PRKCZ: variants seen among roughly 807,000 people sequenced by gnomAD.
The protein encoded by PRKCZ is protein kinase C zeta type.
PRKCZ carries 33 observed loss-of-function variants against 79.5 expected under a neutral mutation model. The observed-to-expected ratio is 0.41, with a 90% CI of 0.31 to 0.55. The LOEUF (loss-of-function observed/expected upper bound fraction) is 0.55. PRKCZ is among the 20% of genes least tolerant of loss of function. The pLI, the probability that PRKCZ is intolerant of heterozygous loss-of-function variation, is 0.19. For missense variants in PRKCZ, 578 were observed against 813.5 expected (o/e 0.71, Z 3.52); for synonymous variants, 342 against 320.9 (o/e 1.07, Z -0.70).
intron 5 of PRKCZ, among the ~76,000 whole-genome samples, chr1:2,135,929 A>G (rs1025591408): frequency 6.6e-6 from 1 of 152,020 alleles, no homozygotes; most frequent in Admixed American, 6.5e-5. Flanking sequence ...TTCACAGTGG[A>G]AGGGGAGGTG....
intron 4 of PRKCZ, chr1:2,098,507 T>A (rs1666915196): frequency 6.6e-6 from 1 of 152,144 alleles, no homozygotes; most frequent in Non-Finnish European, 1.5e-5. Flanking sequence ...CTGAGTTACT[T>A]CTGGAATCTG....
chr1:2,126,493 C>T (rs1297075648), intron 4 of PRKCZ, among the ~76,000 whole-genome samples: 2 of 152,020 alleles, frequency 1.3e-5, no homozygotes, highest in South Asian at 2.1e-4. Flanking sequence ...CCTGCCCCGC[C>T]GACCCTGCCA....
intron 4 of PRKCZ, among the ~76,000 whole-genome samples, chr1:2,084,351 G>A (rs930855052): frequency 3.9e-5 from 6 of 152,314 alleles, no homozygotes; most frequent in Middle Eastern, 3.4e-3. Flanking sequence ...TCATGAGGGC[G>A]AGTGTGAAGA....
intron 9 of PRKCZ, among the ~76,000 whole-genome samples, chr1:2,153,568 G>T (rs1236162789): frequency 1.3e-5 from 2 of 152,238 alleles, no homozygotes; most frequent in Non-Finnish European, 2.9e-5. Flanking sequence ...CAGCGTCCAT[G>T]CCCTGCGCCG....
chr1:2,129,293 C>T (rs10797427), intron 4 of PRKCZ, among the ~76,000 whole-genome samples: 78,624 of 151,968 alleles, frequency 0.52, 21,508 homozygotes, highest in Middle Eastern at 0.63. Flanking sequence ...GCTAAGGAGG[C>T]CCTAAGTGCA....
intron 2 of PRKCZ, among the ~76,000 whole-genome samples, 189 bp from the exon 3 acceptor site, chr1:2,056,295 C>G (rs574763252): frequency 1.3e-5 from 2 of 152,206 alleles, no homozygotes; most frequent in African/African-American, 4.8e-5. Flanking sequence ...GACGCTGCAC[C>G]GGGGGCCAGG....
intron 4 of PRKCZ, among the ~76,000 whole-genome samples, chr1:2,060,858 G>A (rs570827201): frequency 6.6e-6 from 1 of 152,192 alleles, no homozygotes; most frequent in Non-Finnish European, 1.5e-5. Context: ...GACGGTGGGC[G>A]TCAGGGCCCT....
At chr1:2,144,458 C>T (rs947522844) in intron 6 of PRKCZ, 117 bp downstream of exon 6, 25 of 1,478,418 alleles carry the variant, frequency 1.7e-5, no homozygotes, top group East Asian at 5.0e-5. Context: ...GCCGTGGTGC[C>T]GTCCTAGCTC....
chr1:2,170,482 A>C (rs1167515140), intron 11 of PRKCZ, among the ~76,000 whole-genome samples: 5 of 59,188 alleles, frequency 8.4e-5, no homozygotes, highest in Admixed American at 4.2e-4. Flanking sequence ...CGCTGTTTTT[A>C]AAAACTGTGG....
At chr1:2,095,006 A>G (rs1465526358) in intron 4 of PRKCZ, among the ~76,000 whole-genome samples, 1 of 152,130 alleles carries the variant, frequency 6.6e-6, no homozygotes, top group African/African-American at 2.4e-5. Flanking sequence ...TGGGTGATGC[A>G]GACACTGACT....
At chr1:2,066,227 AGT>A (rs1204926890) in intron 4 of PRKCZ, among the ~76,000 whole-genome samples, 1 of 152,166 alleles carries the variant, frequency 6.6e-6, no homozygotes, top group Non-Finnish European at 1.5e-5. Context: ...TGAGTGAGGA[AGT>A]GTTCCTTCCT....
chr1:2,110,321 G>T (rs1669469921), intron 4 of PRKCZ, among the ~76,000 whole-genome samples: 1 of 152,254 alleles, frequency 6.6e-6, no homozygotes, highest in Non-Finnish European at 1.5e-5. Flanking sequence ...TCCAGCGGGG[G>T]CCCCGGGCGT....
intron 4 of PRKCZ, among the ~76,000 whole-genome samples, chr1:2,066,900 A>G (rs1198155474): frequency 1.3e-5 from 2 of 152,232 alleles, no homozygotes; most frequent in Non-Finnish European, 2.9e-5. Flanking sequence ...CACACACACA[A>G]AAAGTTCATC....
chr1:2,146,801 G>A (rs942086348), intron 7 of PRKCZ, among the ~76,000 whole-genome samples: 2 of 152,100 alleles, frequency 1.3e-5, no homozygotes, highest in African/African-American at 4.8e-5. Context: ...AGTGCCTCAC[G>A]CAAAAGAGAT....
chr1:2,127,129 G>A lies in PRKCZ; in HGVS notation c.335-8133G>A, dbSNP rs1674069823. Among the ~76,000 whole-genome samples, 1 of 152,242 alleles carries A rather than the reference G, an allele frequency of 6.6e-6. No homozygotes were observed. Among genetic ancestry groups the A allele is most frequent in the African/African-American group, 2.4e-5 (1 of 41,468 alleles). ...GGGGAAGGGGGAGGTTGTTGCCTCA[G>A]TGGGAGCCTGGGCTGTGGCTGCCAG... On this transcript the variant is annotated intron_variant, in intron 4 of 17. Coordinates refer to ENST00000378567, the MANE Select transcript of PRKCZ (RefSeq NM_002744.6). The surrounding 1 kb of genome is among the most constrained non-coding windows in gnomAD (Gnocchi z 5.1).
chr1:2,151,879 G>T (rs1367435526), intron 9 of PRKCZ, among the ~76,000 whole-genome samples: 1 of 151,926 alleles, frequency 6.6e-6, no homozygotes, highest in African/African-American at 2.4e-5. Flanking sequence ...AGGCTGGAGG[G>T]CAGAGCATGA....
intron 5 of PRKCZ, among the ~76,000 whole-genome samples, chr1:2,136,842 C>T (rs1379917874): frequency 6.6e-6 from 1 of 152,180 alleles, no homozygotes; most frequent in East Asian, 1.9e-4. Context: ...GCAGCTTAAA[C>T]AATGGAAACT....
intron 17 of PRKCZ, 63 bp downstream of exon 17, chr1:2,184,761 C>G (rs1687309445): frequency 4.6e-6 from 7 of 1,506,202 alleles, no homozygotes; most frequent in Non-Finnish European, 5.4e-6. Flanking sequence ...CAGGCCGGCA[C>G]CTTGGGCAGC....
chr1:2,067,113 C>A (rs1031090768), intron 4 of PRKCZ, among the ~76,000 whole-genome samples: 1 of 152,262 alleles, frequency 6.6e-6, no homozygotes, highest in African/African-American at 2.4e-5. Context: ...CTAAGTTCAT[C>A]TTGATGTGGT....
Sources: gnomAD v4.1 joint callset for allele counts (sites outside exome capture counted in the v4.1 genomes callset) on GRCh38, gnomAD v4.1.1 for gene constraint, Gnocchi (gnomAD v3.1) non-coding constraint, MANE v1.5 for transcripts, NCBI Gene and HGNC (gene_info 2026-07-23, HGNC 2026-07-21) for gene names.